ALK: variants seen among roughly 807,000 people sequenced by gnomAD.
The protein encoded by ALK is ALK receptor tyrosine kinase.
A neutral mutation model predicts 163.1 loss-of-function variants in ALK; 74 were observed. The ratio of observed to expected loss-of-function variants is 0.45; its 90% confidence interval spans 0.38 to 0.55. ALK has a LOEUF of 0.55. ALK is among the 20% of genes least tolerant of loss of function. The pLI, the probability that ALK is intolerant of heterozygous loss-of-function variation, is 0.00. For missense variants in ALK, 2,063 were observed against 2,105.3 expected (o/e 0.98, Z 0.39); for synonymous variants, 960 against 843.2 (o/e 1.14, Z -2.40).
At chr2:29,862,029 TACG>T (rs1197803734) in intron 1 of ALK, among the ~76,000 whole-genome samples, 1 of 152,138 alleles carries the variant, frequency 6.6e-6, no homozygotes, top group African/African-American at 2.4e-5. Flanking sequence ...ACAAAAATCA[TACG>T]ATTATATCAA....
chr2:29,499,577 C>G (rs1198955835), intron 4 of ALK, among the ~76,000 whole-genome samples: 1 of 152,156 alleles, frequency 6.6e-6, no homozygotes. Context: ...CCACACATCT[C>G]CCTGGTTCCA....
At position 29,228,921 on chromosome 2, in the gene ALK, C is replaced by T. The variant is rs1664096879; in HGVS notation, c.2778G>A (p.Gly926=). 2 of 1,494,996 alleles carry T rather than the reference C, an allele frequency of 1.3e-6. No individual in the cohort carries two copies. Among genetic ancestry groups the T allele is most frequent in the East Asian group, 2.3e-5 (1 of 43,950 alleles). 92.6% of individuals were successfully genotyped at this position (1,494,996 alleles called of 1,614,324 possible). Residue 926 remains glycine, a synonymous_variant, in exon 16 of 29, where the codon GGG becomes GGA. Coordinates refer to ENST00000389048, the MANE Select transcript of ALK (RefSeq NM_004304.5). Reference sequence around the variant, plus strand: ...CGCCTCCTCCACCTGAGGAGCACCCCCCTCCACCCCCTCCGAAACCCCCTC... The same window carrying T: ...CGCCTCCTCCACCTGAGGAGCACCCTCCTCCACCCCCTCCGAAACCCCCTC... The part of the protein sequence containing the change: ...ETRGGFGGGG[G]GCSSGGGGGG...
intron 24 of ALK, among the ~76,000 whole-genome samples, chr2:29,213,062 A>T (rs1023586263): frequency 2.8e-4 from 42 of 152,358 alleles, no homozygotes; most frequent in Non-Finnish European, 4.4e-4. Context: ...ATTATTATGA[A>T]CATGCCTTAA....
intron 4 of ALK, among the ~76,000 whole-genome samples, chr2:29,497,320 C>A (rs1188528175): frequency 6.6e-6 from 1 of 152,038 alleles, no homozygotes; most frequent in Non-Finnish European, 1.5e-5. Flanking sequence ...ACAGGCTCTG[C>A]CACCAGAGCC....
rs771340984 is a variant in ALK at position 29,383,744 on chromosome 2, T to C, written c.1270A>G (p.Asn424Asp). ...LSAVDFFALK[N>D]CSEGTSPGSK... ...CAGATTCAGATACCTTCACTGCAGTTCTTCAGGGCAAAGAAGTCCACTGCA... is the reference window on the plus strand; with the variant it reads ...CAGATTCAGATACCTTCACTGCAGTCCTTCAGGGCAAAGAAGTCCACTGCA... The change falls in exon 5 of 29, where the codon AAC (asparagine) becomes GAC (aspartate). Residue 424 changes from asparagine (N) to aspartate (D), a missense_variant. Coordinates refer to ENST00000389048, the MANE Select transcript of ALK (RefSeq NM_004304.5). 8 of 1,613,992 alleles carry C rather than the reference T, an allele frequency of 5.0e-6. No individual in the cohort carries two copies. The African/African-American group carries it at 1.1e-4, about 22-fold the overall frequency.
At chr2:29,445,246 A>C (rs1184991726) in intron 4 of ALK, among the ~76,000 whole-genome samples, 10 of 152,198 alleles carry the variant, frequency 6.6e-5, no homozygotes, top group Admixed American at 6.5e-4. Context: ...TCTAAAAATA[A>C]ATTTCACACA....
intron 4 of ALK, among the ~76,000 whole-genome samples, chr2:29,470,375 C>T (rs759270656): frequency 3.9e-5 from 6 of 152,126 alleles, no homozygotes; most frequent in Non-Finnish European, 5.9e-5. Context: ...AAACTTCAAA[C>T]TTCTCTGTGA....
intron 5 of ALK, among the ~76,000 whole-genome samples, chr2:29,343,217 T>G (rs1667850853): frequency 2.7e-5 from 4 of 148,644 alleles, no homozygotes; most frequent in Admixed American, 2.7e-4. Context: ...AAATTTTTTT[T>G]TTTTTTTTTG....
At chr2:29,204,999 C>T (rs772968228) in intron 26 of ALK, among the ~76,000 whole-genome samples, 3 of 152,174 alleles carry the variant, frequency 2.0e-5, no homozygotes, top group Non-Finnish European at 2.9e-5. Flanking sequence ...GCCCTGTACT[C>T]TTTGGAAGAA....
chr2:29,666,802 T>C (rs544359324), intron 3 of ALK, among the ~76,000 whole-genome samples: 3 of 152,194 alleles, frequency 2.0e-5, no homozygotes, highest in South Asian at 4.1e-4. Flanking sequence ...ATATATAATA[T>C]AGTTTCTATA....
chr2:29,587,918 G>A (rs942622837), intron 3 of ALK, among the ~76,000 whole-genome samples: 17 of 152,314 alleles, frequency 1.1e-4, no homozygotes, highest in Admixed American at 7.8e-4. Context: ...TGTAGCATGT[G>A]GAAGGCCAAC....
chr2:29,817,726 A>G (rs1161832229), intron 1 of ALK, among the ~76,000 whole-genome samples: 3 of 152,118 alleles, frequency 2.0e-5, no homozygotes, highest in Admixed American at 6.6e-5. Context: ...TGTTTTGTCC[A>G]AGTCCACATA....
chr2:29,451,179 G>C (rs1049896566), intron 4 of ALK, among the ~76,000 whole-genome samples: 1 of 152,052 alleles, frequency 6.6e-6, no homozygotes, highest in African/African-American at 2.4e-5. Context: ...ATGCTTTCAG[G>C]TTTCAGAAAA....
intron 1 of ALK, among the ~76,000 whole-genome samples, chr2:29,910,117 T>C (rs954729538): frequency 6.6e-6 from 1 of 151,860 alleles, no homozygotes; most frequent in African/African-American, 2.4e-5. Context: ...AACTTTAAAA[T>C]AGCTGTTATA....
rs112592913 is a variant in ALK, at chr2:29,299,648, G to T, written c.1648-2591C>A. 3.4e-3 allele frequency among the ~76,000 whole-genome samples: 517 copies of T among 152,274 alleles called. 5 individuals are homozygous for T. Among genetic ancestry groups the T allele is most frequent in the African/African-American group, 0.011 (448 of 41,538 alleles). On this transcript the variant is annotated intron_variant, in intron 8 of 28. Coordinates refer to ENST00000389048, the MANE Select transcript of ALK (RefSeq NM_004304.5). ...TTTTGGCTGAAGCATGGAGGCAGTG[G>T]GTGCTGCATTTCAAAGGGAAGTGTA...
intron 1 of ALK, among the ~76,000 whole-genome samples, chr2:29,796,717 T>C (rs534948614): frequency 6.6e-6 from 1 of 152,156 alleles, no homozygotes; most frequent in Non-Finnish European, 1.5e-5. Flanking sequence ...TCAGCAGCTG[T>C]TCATTTCAAA....
intron 1 of ALK, among the ~76,000 whole-genome samples, chr2:29,887,815 A>C (rs1212920978): frequency 7.9e-5 from 12 of 152,180 alleles, no homozygotes; most frequent in Non-Finnish European, 1.6e-4. Context: ...GGTTAGCTTC[A>C]TTTAATTTAA....
intron 11 of ALK, among the ~76,000 whole-genome samples, chr2:29,273,120 G>A (rs1209017670): frequency 6.6e-6 from 1 of 152,224 alleles, no homozygotes; most frequent in Non-Finnish European, 1.5e-5. Context: ...TCTGAGCTTG[G>A]GCTTTGCAAA....
At chr2:29,675,209 G>A (rs1172392764) in intron 3 of ALK, among the ~76,000 whole-genome samples, 1 of 151,756 alleles carries the variant, frequency 6.6e-6, no homozygotes, top group Non-Finnish European at 1.5e-5. Context: ...CCATGTTAGT[G>A]TATATAATAT....
Sources: gnomAD v4.1 joint callset for allele counts (sites outside exome capture counted in the v4.1 genomes callset) on GRCh38, gnomAD v4.1.1 for gene constraint, MANE v1.5 for transcripts, NCBI Gene and HGNC (gene_info 2026-07-23, HGNC 2026-07-21) for gene names.